The following PIP5KL1 variants were observed in gnomAD, a reference collection of about 807,000 sequenced individuals.
PIP5KL1 encodes the protein phosphatidylinositol 4-phosphate 5-kinase-like protein 1.
PIP5KL1 carries 45 observed loss-of-function variants against 47.6 expected under a neutral mutation model. That is an observed-to-expected ratio of 0.94 (90% CI 0.74 to 1.21). The LOEUF (loss-of-function observed/expected upper bound fraction) is 1.21, where lower values mean the gene tolerates loss of function less well. Ranked by LOEUF, PIP5KL1 falls within the 50% of genes most tolerant of loss-of-function variation. The probability of loss-of-function intolerance (pLI) is 0.00; values close to 1 mark genes in which losing one functional copy is unlikely to be tolerated. For missense variants in PIP5KL1, 577 were observed against 547.6 expected, an observed-to-expected ratio of 1.05 and a Z score of -0.54; for synonymous variants, 256 against 234.6, an observed-to-expected ratio of 1.09 and a Z score of -0.84.
chr9:127,922,694 C>CAAAAAAAAAAAAAAAAAAAAAAAAAAAAA (rs386416269), intron 9 of PIP5KL1, among the ~76,000 whole-genome samples: 3 of 89,566 alleles, frequency 3.3e-5, no homozygotes, highest in Non-Finnish European at 6.2e-5. Flanking sequence ...GACTCTGTCT[C>CAAAAAAAAAAAAAAAAAAAAAAAAAAAAA]AAAAAAAAAA....
intron 2 of PIP5KL1, chr9:127,928,691 G>A (rs78342214): frequency 1.2e-5 from 7 of 601,192 alleles, no homozygotes; most frequent in African/African-American, 5.6e-5. Context: ...AGTGACCCAC[G>A]GCAAGGCCTG....
rs750464014 is a variant in PIP5KL1, at chr9:127,925,262, T to C, written c.764-2A>G. 2.4e-5 allele frequency: 38 copies of C among 1,611,484 alleles called. 1 individual carries two copies. The highest frequency in any genetic ancestry group is 2.3e-5 in the Non-Finnish European group (27 of 1,179,930). ...GGAGGAACCAGCTCCGCTGGGGCCC[T>C]GCCGGAGCATCAGTGCCCCCACCTG... On this transcript the variant is annotated splice_acceptor_variant, in intron 8 of 9. Transcript: ENST00000388747. LOFTEE classifies it high-confidence loss of function.
chr9:127,928,568 C>T (rs1362745898), intron 2 of PIP5KL1, 85 bp from the exon 3 acceptor site: 2 of 1,320,278 alleles, frequency 1.5e-6, no homozygotes, highest in African/African-American at 3.0e-5. Context: ...GCACCTGGCC[C>T]GTCCCCCACC....
Position 127,927,118 on chromosome 9 carries a change from T to G in PIP5KL1, c.650+35A>C. On this transcript the variant is annotated intron_variant, in intron 7 of 9. Coordinates refer to ENST00000388747, the MANE Select transcript of PIP5KL1 (RefSeq NM_001135219.2). The surrounding 1 kb of genome is among the most constrained non-coding windows in gnomAD (Gnocchi z 5.5). The stretch of plus-strand genomic sequence containing the variant: ...GGTGCTTCGGGCCGCGAGTTTCGGC[T>G]GGGATGGGGGCCCAAACCTGCTTAG... 1 of 1,574,958 alleles carries G rather than the reference T, an allele frequency of 6.3e-7. No homozygotes were observed. The highest frequency in any genetic ancestry group is 8.7e-7 in the Non-Finnish European group (1 of 1,155,098).
rs945801567 is a variant in PIP5KL1 at position 127,927,853 on chromosome 9, G to A, written c.435-81C>T. The A allele has an allele frequency of 5.3e-6, 8 of 1,508,136 alleles. No homozygotes were observed. In the East Asian group the frequency reaches 9.9e-5, roughly 19 times the overall value. 93.4% of individuals were successfully genotyped at this position (1,508,136 alleles called of 1,614,324 possible). A position where few individuals can be genotyped will look rare whatever the true frequency, so the allele number is the denominator to read the frequency against. On this transcript the variant is annotated intron_variant, in intron 4 of 9. Transcript: ENST00000388747. The surrounding 1 kb of genome is among the most constrained non-coding windows in gnomAD (Gnocchi z 5.5). ...CGGCCCCCTTCCCCGACCTGTGCAC[G>A]TGGATCTCGCTCCCAGGTCTCGGCA...
At chr9:127,924,699 C>A (rs1253845046) in intron 9 of PIP5KL1, among the ~76,000 whole-genome samples, 3 of 150,754 alleles carry the variant, frequency 2.0e-5, no homozygotes, top group Non-Finnish European at 1.5e-5. Flanking sequence ...TTAAATAGGT[C>A]TTTTTCTCTG....
rs1410222130 is a variant in PIP5KL1 at position 127,925,977 on chromosome 9, T to C, written c.653A>G (p.Tyr218Cys). 2 of 1,608,436 alleles carry C rather than the reference T, an allele frequency of 1.2e-6. No individual in the cohort carries two copies. The highest frequency in any genetic ancestry group is 1.1e-5 in the South Asian group (1 of 90,774). Residue 218 changes from tyrosine to cysteine, a missense_variant and splice_region_variant, in exon 8 of 10, where the codon TAT becomes TGT. Physicochemically the swap from Tyr to Cys is radical, Grantham distance 194. Coordinates refer to ENST00000388747, the MANE Select transcript of PIP5KL1 (RefSeq NM_001135219.2). The part of the protein sequence containing the change: ...FYPAGRISER[Y>C]DIKGCEVSRW... Reference sequence around the variant, plus strand: ...GCTCACCTCGCAGCCTTTGATGTCATACCTGGGTGGGGGGACAGAATTCAG... The same window carrying C: ...GCTCACCTCGCAGCCTTTGATGTCACACCTGGGTGGGGGGACAGAATTCAG...
In PIP5KL1 at chr9:127,921,549, T is replaced by G; in HGVS notation, c.*298A>C. 5.9e-6 allele frequency: 2 copies of G among 340,464 alleles called. No individual in the cohort carries two copies. Among genetic ancestry groups the G allele is most frequent in the East Asian group, 5.6e-5 (1 of 17,892 alleles). 21.1% of individuals were successfully genotyped at this position (340,464 alleles called of 1,614,324 possible). A position where few individuals can be genotyped will look rare whatever the true frequency, so the allele number is the denominator to read the frequency against. On this transcript the variant is annotated 3_prime_UTR_variant, in exon 10 of 10. Coordinates refer to ENST00000388747, the MANE Select transcript of PIP5KL1 (RefSeq NM_001135219.2). Reference sequence around the variant, plus strand: ...CATGGTTGAGTCCTGGTTCCAGCATTTATTGCTGAATGATCTTGATCAGTC... The same window carrying G: ...CATGGTTGAGTCCTGGTTCCAGCATGTATTGCTGAATGATCTTGATCAGTC...
At chr9:127,930,062 C>T (rs1385392526) in intron 1 of PIP5KL1, among the ~76,000 whole-genome samples, 177 bp from the exon 2 acceptor site, 1 of 152,112 alleles carries the variant, frequency 6.6e-6, no homozygotes, top group African/African-American at 2.4e-5. Context: ...GTGCCTGGCA[C>T]GCAGTCAGCA....
Position 127,925,955 on chromosome 9 carries a change from C to A in PIP5KL1, c.675G>T (p.Val225=). 6.2e-7 allele frequency: 1 copy of A among 1,613,720 alleles called. No homozygotes were observed. Among genetic ancestry groups the A allele is most frequent in the Non-Finnish European group, 8.5e-7 (1 of 1,179,816 alleles). The change falls in exon 8 of 10, where the codon GTG becomes GTT. Residue 225 remains valine (V), a synonymous_variant. Coordinates refer to ENST00000388747, the MANE Select transcript of PIP5KL1 (RefSeq NM_001135219.2). ...SERYDIKGCE[V]SRWVDPAPEG... is the part of the protein sequence containing the mutation. The stretch of plus-strand genomic sequence containing the variant: ...CAGGGGCGGGATCCACCCAGCGGCT[C>A]ACCTCGCAGCCTTTGATGTCATACC...
At chr9:127,925,010 T>C (rs1047094128) in intron 9 of PIP5KL1, 97 bp downstream of exon 9, 4 of 1,487,476 alleles carry the variant, frequency 2.7e-6, no homozygotes, top group East Asian at 2.3e-5. Flanking sequence ...TTCATGTCTT[T>C]GGCTGCACTG....
Position 127,927,616 on chromosome 9 carries a change from G to GC in PIP5KL1, c.559+31dup, listed in dbSNP as rs1474727418. The GC allele has an allele frequency of 3.0e-5, 26 of 875,366 alleles. No homozygotes were observed. In the East Asian group the frequency reaches 2.3e-3, roughly 78 times the overall value. 54.2% of individuals were successfully genotyped at this position (875,366 alleles called of 1,614,324 possible). A position where few individuals can be genotyped will look rare whatever the true frequency, so the allele number is the denominator to read the frequency against. On this transcript the variant is annotated intron_variant, in intron 5 of 9. Transcript: ENST00000388747. This position sits in a 1 kb window ranked among gnomAD's most constrained non-coding sequence, Gnocchi z 5.5. Reference sequence around the variant, plus strand: ...CCAGGTATATGATGACCTAGGACCCGCCCCCACCGAGCCCCGCCCCCAGCC... The same window carrying GC: ...CCAGGTATATGATGACCTAGGACCCGCCCCCCACCGAGCCCCGCCCCCAGCC...
At chr9:127,923,063 T>C (rs1564136625) in intron 9 of PIP5KL1, among the ~76,000 whole-genome samples, 1 of 152,234 alleles carries the variant, frequency 6.6e-6, no homozygotes, top group Non-Finnish European at 1.5e-5. Flanking sequence ...AGCAGAAGTT[T>C]TGTGAACAAA....
At position 127,921,484 on chromosome 9, in the gene PIP5KL1, G is replaced by C. The variant is rs1444369426; in HGVS notation, c.*363C>G. ...CCAGATCATGAGGACCAAGCTGCAG[G>C]AGCTGGTGGTTAAGAATACAGGCTC... On this transcript the variant is annotated 3_prime_UTR_variant, in exon 10 of 10. Coordinates refer to ENST00000388747, the MANE Select transcript of PIP5KL1 (RefSeq NM_001135219.2). 1 of 205,124 alleles carries C rather than the reference G, an allele frequency of 4.9e-6. No homozygotes were observed. The highest frequency in any genetic ancestry group is 1.0e-5 in the Non-Finnish European group (1 of 100,422). 12.7% of individuals were successfully genotyped at this position (205,124 alleles called of 1,614,324 possible). A position where few individuals can be genotyped will look rare whatever the true frequency, so the allele number is the denominator to read the frequency against.
In PIP5KL1 at chr9:127,921,689, A is replaced by T; in HGVS notation, c.*158T>A. The T allele has an allele frequency of 9.6e-7, 1 of 1,039,658 alleles. No individual in the cohort carries two copies. The highest frequency in any genetic ancestry group is 1.4e-6 in the Non-Finnish European group (1 of 739,188). 64.4% of individuals were successfully genotyped at this position (1,039,658 alleles called of 1,614,324 possible). On this transcript the variant is annotated 3_prime_UTR_variant, in exon 10 of 10. Coordinates refer to ENST00000388747, the MANE Select transcript of PIP5KL1 (RefSeq NM_001135219.2). ...TTGGCACGATGCTGGGCACGGCACC[A>T]CCGTCAAACGGGACTGCGCGGTTAC...
Position 127,928,069 on chromosome 9 carries a change from G to T in PIP5KL1, c.430C>A (p.Leu144Met). ...STSKSKASFF[L>M]SHDQRFFLKT... is the part of the protein sequence containing the mutation. Reference sequence around the variant, plus strand: ...CCACCCCTGCCGCAAGCTCACGACAGGAAGAAGCTGGCCTTGCTCTTGGAG... The same window carrying T: ...CCACCCCTGCCGCAAGCTCACGACATGAAGAAGCTGGCCTTGCTCTTGGAG... Residue 144 changes from leucine (L) to methionine (M), a missense_variant, in exon 4 of 10, where the codon CTG becomes ATG. Physicochemically the swap from Leu to Met is conservative, Grantham distance 15 (BLOSUM62 2). Transcript: ENST00000388747. 6.5e-7 allele frequency: 1 copy of T among 1,529,466 alleles called. No individual in the cohort carries two copies. Among genetic ancestry groups the T allele is most frequent in the Non-Finnish European group, 8.8e-7 (1 of 1,136,200 alleles). 94.7% of individuals were successfully genotyped at this position (1,529,466 alleles called of 1,614,324 possible).
intron 1 of PIP5KL1, among the ~76,000 whole-genome samples, 154 bp downstream of exon 1, chr9:127,930,569 C>T (rs1831421025): frequency 6.6e-6 from 1 of 152,248 alleles, no homozygotes; most frequent in African/African-American, 2.4e-5. Flanking sequence ...CTCGGGATAC[C>T]TGGCGCCCCG....
chr9:127,921,697 A>T lies in PIP5KL1; in HGVS notation c.*150T>A, dbSNP rs1430656506. 1.3e-5 allele frequency: 15 copies of T among 1,120,194 alleles called. No homozygotes were observed. Among genetic ancestry groups the T allele is most frequent in the Non-Finnish European group, 1.8e-5 (15 of 812,854 alleles). 69.4% of individuals were successfully genotyped at this position (1,120,194 alleles called of 1,614,324 possible). On this transcript the variant is annotated 3_prime_UTR_variant, in exon 10 of 10. Transcript: ENST00000388747. ...ATGCTGGGCACGGCACCACCGTCAA[A>T]CGGGACTGCGCGGTTACGGTATTAG...
intron 9 of PIP5KL1, among the ~76,000 whole-genome samples, chr9:127,924,016 G>T (rs1831324902): frequency 6.6e-6 from 1 of 152,252 alleles, no homozygotes; most frequent in Non-Finnish European, 1.5e-5. Context: ...TGCCAATGAT[G>T]ATGACGTCAG....
Sources: allele counts gnomAD v4.1 joint callset (sites outside exome capture counted in the v4.1 genomes callset), GRCh38; gene constraint gnomAD v4.1.1; non-coding constraint Gnocchi (gnomAD v3.1); transcripts MANE v1.5; gene names NCBI Gene and HGNC (gene_info 2026-07-23, HGNC 2026-07-21).